ARHGAP10: variants seen among roughly 807,000 people sequenced by gnomAD.
The protein encoded by ARHGAP10 is rho GTPase-activating protein 10.
In ARHGAP10, 87 loss-of-function variants were observed where a neutral mutation model predicts 108.6. The ratio of observed to expected loss-of-function variants is 0.80; its 90% CI spans 0.67 to 0.96. The LOEUF is 0.96. Ranked by LOEUF, ARHGAP10 falls within the 40% of genes least tolerant of loss-of-function variation. ARHGAP10 has a pLI of 0.00. For missense variants in ARHGAP10, 939 were observed against 954.5 expected (o/e 0.98, Z 0.21); for synonymous variants, 347 against 341.1 (o/e 1.02, Z -0.19).
At chr4:147,887,675 G>A (rs759934426) in intron 10 of ARHGAP10, among the ~76,000 whole-genome samples, 1 of 151,794 alleles carries the variant, frequency 6.6e-6, no homozygotes, top group Non-Finnish European at 1.5e-5. Flanking sequence ...CAGCCTGACC[G>A]ATATGGTTAA....
chr4:147,934,433 A>G (rs1424410568), intron 13 of ARHGAP10, among the ~76,000 whole-genome samples: 2 of 152,162 alleles, frequency 1.3e-5, no homozygotes, highest in African/African-American at 4.8e-5. Flanking sequence ...TTACTGTCAT[A>G]TGGGGATATG....
intron 15 of ARHGAP10, among the ~76,000 whole-genome samples, chr4:147,950,686 C>T (rs921072758): frequency 2.2e-4 from 33 of 152,180 alleles, no homozygotes; most frequent in African/African-American, 7.5e-4. Context: ...CCCTCTTTTT[C>T]TTCTACTGAC....
chr4:148,021,294 T>G (rs1331826421), intron 18 of ARHGAP10, among the ~76,000 whole-genome samples: 1 of 152,142 alleles, frequency 6.6e-6, no homozygotes. Context: ...ACACCCTCAC[T>G]TCAAACTGGA....
chr4:147,864,793 C>T (rs893693701), intron 5 of ARHGAP10, 53 bp from the exon 6 acceptor site: 17 of 1,513,362 alleles, frequency 1.1e-5, no homozygotes, highest in Admixed American at 3.4e-5. Flanking sequence ...TCTGATGTAG[C>T]GTTTCACTTT....
chr4:147,796,436 C>T (rs887954852), intron 1 of ARHGAP10, among the ~76,000 whole-genome samples: 26 of 152,088 alleles, frequency 1.7e-4, no homozygotes, highest in Non-Finnish European at 3.2e-4. Flanking sequence ...GAGACAACAA[C>T]GGAGCTTCCT....
intron 18 of ARHGAP10, among the ~76,000 whole-genome samples, chr4:147,968,419 T>C (rs958545726): frequency 2.0e-5 from 3 of 152,248 alleles, no homozygotes; most frequent in Non-Finnish European, 4.4e-5. Context: ...CACAGGCTGC[T>C]GAGAAGCTGA....
intron 6 of ARHGAP10, 116 bp downstream of exon 6, chr4:147,865,072 A>G: frequency 1.1e-6 from 1 of 875,960 alleles, no homozygotes; most frequent in Non-Finnish European, 1.7e-6. Context: ...TAAACATGAA[A>G]GAGACATATT....
intron 1 of ARHGAP10, among the ~76,000 whole-genome samples, chr4:147,797,817 G>A (rs1731379948): frequency 6.6e-6 from 1 of 152,182 alleles, no homozygotes. Context: ...CCCAGAAAGA[G>A]TTAATTGTGC....
intron 1 of ARHGAP10, among the ~76,000 whole-genome samples, chr4:147,788,863 CT>C (rs1275627959): frequency 1.3e-5 from 2 of 152,210 alleles, no homozygotes; most frequent in Admixed American, 6.5e-5. Flanking sequence ...AAGCTACAAG[CT>C]GTACAGCAAC....
intron 13 of ARHGAP10, among the ~76,000 whole-genome samples, chr4:147,935,004 A>G (rs1287815923): frequency 6.6e-6 from 1 of 152,226 alleles, no homozygotes; most frequent in Non-Finnish European, 1.5e-5. Context: ...GGCAACCAGA[A>G]TAGCACCTGG....
intron 1 of ARHGAP10, among the ~76,000 whole-genome samples, chr4:147,776,732 T>C (rs1019606418): frequency 6.6e-6 from 1 of 152,192 alleles, no homozygotes; most frequent in African/African-American, 2.4e-5. Context: ...GGTGAAGGTT[T>C]GATAGGGAAC....
chr4:147,790,437 C>T (rs1470367778), intron 1 of ARHGAP10, among the ~76,000 whole-genome samples: 1 of 152,178 alleles, frequency 6.6e-6, no homozygotes, highest in African/African-American at 2.4e-5. Context: ...AAAGTATGTT[C>T]TCAATTGTTG....
intron 9 of ARHGAP10, among the ~76,000 whole-genome samples, chr4:147,880,109 A>G (rs967161526): frequency 6.6e-6 from 1 of 152,206 alleles, no homozygotes; most frequent in Non-Finnish European, 1.5e-5. Flanking sequence ...TGTGTAGGAA[A>G]GGTGATCTTT....
chr4:147,977,095 G>C (rs891549611), intron 18 of ARHGAP10, among the ~76,000 whole-genome samples: 2 of 152,268 alleles, frequency 1.3e-5, no homozygotes, highest in African/African-American at 4.8e-5. Context: ...TGGAGATGCG[G>C]AGCTGCAAAG....
At chr4:147,747,348 AT>A (rs756481638) in intron 1 of ARHGAP10, among the ~76,000 whole-genome samples, 1 of 152,242 alleles carries the variant, frequency 6.6e-6, no homozygotes, top group Non-Finnish European at 1.5e-5. Flanking sequence ...TAAAAATGGA[AT>A]AATTATCTAT....
intron 14 of ARHGAP10, 84 bp from the exon 15 acceptor site, chr4:147,946,533 A>G (rs779124994): frequency 7.7e-6 from 9 of 1,168,922 alleles, no homozygotes; most frequent in Non-Finnish European, 9.7e-6. Flanking sequence ...TGCCCATTTA[A>G]AAATGGAAGC....
chr4:147,909,906 G>A (rs1021114830), intron 12 of ARHGAP10, 129 bp downstream of exon 12: 5 of 867,028 alleles, frequency 5.8e-6, no homozygotes, highest in South Asian at 5.1e-5. Context: ...GGTATTACAC[G>A]TAATAATCCT....
At chr4:147,737,700 A>G (rs1245756646) in intron 1 of ARHGAP10, among the ~76,000 whole-genome samples, 2 of 152,194 alleles carry the variant, frequency 1.3e-5, no homozygotes, top group African/African-American at 2.4e-5. Flanking sequence ...GGGCTTTATT[A>G]CAGTGGCTGG....
At chr4:147,829,367 TTAG>T (rs1482435361) in intron 3 of ARHGAP10, among the ~76,000 whole-genome samples, 1 of 151,584 alleles carries the variant, frequency 6.6e-6, no homozygotes, top group Non-Finnish European at 1.5e-5. Flanking sequence ...TGTTGTATTT[TTAG>T]TAGACATGAG....
Sources: allele counts gnomAD v4.1 joint callset (sites outside exome capture counted in the v4.1 genomes callset), GRCh38; gene constraint gnomAD v4.1.1; transcripts MANE v1.5; gene names NCBI Gene and HGNC (gene_info 2026-07-23, HGNC 2026-07-21).